ENOPH1: variants seen among roughly 807,000 people sequenced by gnomAD.
ENOPH1 encodes the protein enolase-phosphatase E1.
In ENOPH1, 14 loss-of-function variants were observed where a neutral mutation model predicts 31.1. The ratio of observed to expected loss-of-function variants is 0.45; its 90% CI spans 0.30 to 0.70. ENOPH1 has a LOEUF of 0.70. ENOPH1 is among the 30% of genes least tolerant of loss of function. The pLI, the probability that ENOPH1 is intolerant of heterozygous loss-of-function variation, is 0.09. For missense variants in ENOPH1, 243 were observed against 321.5 expected (o/e 0.76, Z 1.87); for synonymous variants, 127 against 123.2 (o/e 1.03, Z -0.21).
chr4:82,455,665 A>G (rs549390837), intron 4 of ENOPH1, among the ~76,000 whole-genome samples: 40 of 152,110 alleles, frequency 2.6e-4, no homozygotes, highest in Non-Finnish European at 5.6e-4. Flanking sequence ...GGGCACCTGT[A>G]GTCCCAGCTA....
At chr4:82,445,913 T>C (rs1271386570) in intron 1 of ENOPH1, among the ~76,000 whole-genome samples, 1 of 152,244 alleles carries the variant, frequency 6.6e-6, no homozygotes, top group Non-Finnish European at 1.5e-5. Context: ...ACATTCAATA[T>C]TGTTTGAAAC....
chr4:82,435,783 T>C (rs1425833671), intron 1 of ENOPH1, among the ~76,000 whole-genome samples: 1 of 152,262 alleles, frequency 6.6e-6, no homozygotes, highest in Non-Finnish European at 1.5e-5. Context: ...AGCATTCTTC[T>C]ACCTGTGCTA....
chr4:82,444,012 T>C (rs1339354862), intron 1 of ENOPH1, among the ~76,000 whole-genome samples: 2 of 151,920 alleles, frequency 1.3e-5, no homozygotes, highest in African/African-American at 2.4e-5. Flanking sequence ...GTAGCCGGGA[T>C]TACAGGCTCG....
chr4:82,450,244 C>T lies in ENOPH1; in HGVS notation c.187-799C>T, dbSNP rs141778837. 3.4e-4 allele frequency among the ~76,000 whole-genome samples: 52 copies of T among 152,328 alleles called. No individual in the cohort carries two copies. The East Asian group carries it at 8.3e-3, about 24-fold the overall frequency. On this transcript the variant is annotated intron_variant, in intron 2 of 5. Coordinates refer to ENST00000273920, the MANE Select transcript of ENOPH1 (RefSeq NM_021204.5). ...TTCTTGGAAACTAAGTGAAATGACA[C>T]TTAAATTTCAATTTTCAATTTTAAA...
At chr4:82,434,055 T>C (rs959940403) in intron 1 of ENOPH1, among the ~76,000 whole-genome samples, 4 of 152,196 alleles carry the variant, frequency 2.6e-5, no homozygotes, top group Non-Finnish European at 4.4e-5. Context: ...GTGTATGTAC[T>C]GTCTACACTT....
At chr4:82,447,105 C>T (rs1578098804) in intron 1 of ENOPH1, among the ~76,000 whole-genome samples, 1 of 152,064 alleles carries the variant, frequency 6.6e-6, no homozygotes, top group African/African-American at 2.4e-5. Context: ...CCTGCCTCAG[C>T]CTCCCGAGTA....
intron 4 of ENOPH1, among the ~76,000 whole-genome samples, chr4:82,455,074 G>T (rs1199212915): frequency 6.6e-6 from 1 of 152,038 alleles, no homozygotes; most frequent in African/African-American, 2.4e-5. Context: ...AATAAAATCA[G>T]TTAGGATGCA....
chr4:82,441,210 C>T lies in ENOPH1; in HGVS notation c.85-6710C>T, dbSNP rs57299332. On this transcript the variant is annotated intron_variant, in intron 1 of 5. Transcript: ENST00000273920. ...TGATAAAGGAAAGAGGTATAATGGA[C>T]TTACAGTTCCACATGGCTGGGGAGG... 0.014 allele frequency among the ~76,000 whole-genome samples: 2,165 copies of T among 152,240 alleles called. 184 individuals carry two copies. In the East Asian group the frequency reaches 0.25, roughly 17 times the overall value.
At position 82,454,810 on chromosome 4, in the gene ENOPH1, C is replaced by G; in HGVS notation, c.478C>G (p.Gln160Glu). The G allele has an allele frequency of 1.2e-6, 2 of 1,613,808 alleles. No homozygotes were observed. Among genetic ancestry groups the G allele is most frequent in the Non-Finnish European group, 1.7e-6 (2 of 1,179,944 alleles). Reference protein sequence around the residue: ...YIYSSGSVEAQKLLFGHSTEG... With the variant: ...YIYSSGSVEAEKLLFGHSTEG... ...CTATTCCTCAGGGAGTGTGGAGGCA[C>G]AGAAACTGTTATTCGGGCATTCTAC... The change falls in exon 4 of 6, where the codon CAG (glutamine) becomes GAG (glutamate). Residue 160 changes from glutamine to glutamate, a missense_variant. Physicochemically the swap from Gln to Glu is conservative, Grantham distance 29. Coordinates refer to ENST00000273920, the MANE Select transcript of ENOPH1 (RefSeq NM_021204.5).
intron 4 of ENOPH1, 73 bp from the exon 5 acceptor site, chr4:82,456,842 G>A (rs900617033): frequency 6.5e-7 from 1 of 1,547,934 alleles, no homozygotes; most frequent in African/African-American, 1.4e-5. Context: ...TGATTGTCAT[G>A]TATTTCAGAG....
Position 82,459,195 on chromosome 4 carries a change from T to TCTAA in ENOPH1, c.647-783_647-782insACTA, listed in dbSNP as rs569175922. Among the ~76,000 whole-genome samples the TCTAA allele has an allele frequency of 5.1e-4, 78 of 152,292 alleles. No homozygotes were observed. The South Asian group carries it at 0.011, about 22-fold the overall frequency. On this transcript the variant is annotated intron_variant, in intron 5 of 5. Coordinates refer to ENST00000273920, the MANE Select transcript of ENOPH1 (RefSeq NM_021204.5). ...CATTTCCCACTCTAACTTGCTCCAT[T>TCTAA]CTAGGCTGGGAGTATGACATGTTTA... is the stretch of plus-strand genomic sequence containing the variant.
intron 1 of ENOPH1, among the ~76,000 whole-genome samples, chr4:82,443,775 A>C (rs1307422079): frequency 1.3e-5 from 2 of 151,916 alleles, no homozygotes; most frequent in Non-Finnish European, 2.9e-5. Context: ...TGTGTTGTTT[A>C]ATTTGTTTTC....
At chr4:82,451,555 CATG>C (rs1425675400) in intron 3 of ENOPH1, among the ~76,000 whole-genome samples, 1 of 152,192 alleles carries the variant, frequency 6.6e-6, no homozygotes. Flanking sequence ...ATTCTTAGCA[CATG>C]AGTGACAGCT....
At chr4:82,457,881 CAT>C (rs775668347) in intron 5 of ENOPH1, among the ~76,000 whole-genome samples, 52 of 152,320 alleles carry the variant, frequency 3.4e-4, no homozygotes, top group Non-Finnish European at 6.2e-4. Flanking sequence ...TTTGGGATCA[CAT>C]AGTACATCTA....
chr4:82,453,323 A>G (rs1200022933), intron 3 of ENOPH1, among the ~76,000 whole-genome samples: 2 of 152,138 alleles, frequency 1.3e-5, no homozygotes, highest in African/African-American at 2.4e-5. Context: ...TTATTTATGT[A>G]CTTTACGAGG....
chr4:82,448,098 AT>A, intron 2 of ENOPH1, 77 bp downstream of exon 2: 1 of 974,494 alleles, frequency 1.0e-6, no homozygotes, highest in Non-Finnish European at 1.6e-6. Context: ...TGCTCTGAGC[AT>A]TTTGTAAAAT....
In ENOPH1 at chr4:82,454,745, C is replaced by T. The variant is rs1371214041; in HGVS notation, c.413C>T (p.Ala138Val). 6.2e-7 allele frequency: 1 copy of T among 1,613,390 alleles called. No individual in the cohort carries two copies. Among genetic ancestry groups the T allele is most frequent in the African/African-American group, 1.3e-5 (1 of 75,016 alleles). ...KAEFFADVVP[A>V]VRKWREAGMK... The stretch of plus-strand genomic sequence containing the variant: ...AGGTTCTTTGCAGATGTAGTTCCAG[C>T]AGTCAGGAAGTGGAGAGAGGCCGGA... The change falls in exon 4 of 6, where the codon GCA (alanine) becomes GTA (valine). Residue 138 changes from alanine (A) to valine (V), a missense_variant. By Grantham distance (64) the Ala-to-Val change is moderately conservative. Coordinates refer to ENST00000273920, the MANE Select transcript of ENOPH1 (RefSeq NM_021204.5).
At chr4:82,459,959 C>T (rs759388154) in intron 5 of ENOPH1, 22 bp from the exon 6 acceptor site, 57 of 1,612,652 alleles carry the variant, frequency 3.5e-5, no homozygotes, top group Non-Finnish European at 5.9e-6. Context: ...CTGACACACA[C>T]ACATCCTTTG....
intron 1 of ENOPH1, among the ~76,000 whole-genome samples, chr4:82,441,901 G>T (rs888914368): frequency 5.9e-5 from 9 of 152,172 alleles, no homozygotes; most frequent in Non-Finnish European, 1.2e-4. Flanking sequence ...ACATGGGAAG[G>T]CTAACTTTAA....
Sources: gnomAD v4.1 joint callset for allele counts (sites outside exome capture counted in the v4.1 genomes callset) on GRCh38, gnomAD v4.1.1 for gene constraint, MANE v1.5 for transcripts, NCBI Gene and HGNC (gene_info 2026-07-23, HGNC 2026-07-21) for gene names.